The following ST7 variants were observed in gnomAD, a reference collection of about 807,000 sequenced individuals.
The protein encoded by ST7 is suppression of tumorigenicity 7, also known as suppressor of tumorigenicity 7 protein.
Under a neutral mutation model 78.7 loss-of-function variants are expected in ST7, and 28 were observed. The observed-to-expected ratio is 0.36, with a 90% CI of 0.26 to 0.49. The LOEUF (loss-of-function observed/expected upper bound fraction) is 0.49. Among genes scored for constraint, ST7 ranks in the 20% least tolerant of loss-of-function variants. The pLI, the probability that ST7 is intolerant of heterozygous loss-of-function variation, is 0.99. For missense variants in ST7, 418 were observed against 696.0 expected, an observed-to-expected ratio of 0.60 and a Z score of 4.49; for synonymous variants, 247 against 249.6, an observed-to-expected ratio of 0.99 and a Z score of 0.10.
chr7:117,201,257 A>G (rs976580297), intron 12 of ST7, among the ~76,000 whole-genome samples: 1 of 152,194 alleles, frequency 6.6e-6, no homozygotes, highest in Admixed American at 6.5e-5. Flanking sequence ...AGTAAGGAGA[A>G]TGTATTGTGG....
At chr7:117,182,672 C>T (rs1008300464) in intron 10 of ST7, 1 of 152,094 alleles carries the variant, frequency 6.6e-6, no homozygotes, top group Non-Finnish European at 1.5e-5. Flanking sequence ...ACACCAGGGC[C>T]GTTCTAGCTG....
At chr7:117,013,830 CAAAAATAAAT>C (rs1487261092) in intron 1 of ST7, among the ~76,000 whole-genome samples, 1 of 151,918 alleles carries the variant, frequency 6.6e-6, no homozygotes, top group Non-Finnish European at 1.5e-5. Flanking sequence ...GAGACTCCGC[CAAAAATAAAT>C]AAAAATAAGT....
chr7:117,110,873 G>A (rs1334431596), intron 2 of ST7, among the ~76,000 whole-genome samples: 2 of 152,212 alleles, frequency 1.3e-5, no homozygotes, highest in Admixed American at 6.5e-5. Context: ...TGCTGAACCG[G>A]ATGATCATTG....
At chr7:117,155,188 A>T (rs1806592637) in intron 9 of ST7, among the ~76,000 whole-genome samples, 1 of 152,182 alleles carries the variant, frequency 6.6e-6, no homozygotes, top group African/African-American at 2.4e-5. Flanking sequence ...GGAGCCAGCC[A>T]CATGAAGATC....
chr7:117,056,068 T>G (rs1215695033), intron 1 of ST7, among the ~76,000 whole-genome samples: 1 of 152,130 alleles, frequency 6.6e-6, no homozygotes, highest in Non-Finnish European at 1.5e-5. Flanking sequence ...CTGGTTTATA[T>G]TCACTGGCAG....
intron 1 of ST7, among the ~76,000 whole-genome samples, chr7:117,090,462 C>T (rs1179277541): frequency 6.6e-6 from 1 of 152,144 alleles, no homozygotes; most frequent in African/African-American, 2.4e-5. Context: ...GCTGGGTGCT[C>T]TGTGTTGGCT....
chr7:116,976,431 G>A (rs1009240439), intron 1 of ST7, among the ~76,000 whole-genome samples: 1 of 152,206 alleles, frequency 6.6e-6, no homozygotes, highest in Non-Finnish European at 1.5e-5. Context: ...CAGTCTGCAG[G>A]TTGGATTGAG....
At chr7:117,194,903 C>T (rs1394739631) in intron 12 of ST7, among the ~76,000 whole-genome samples, 1 of 152,140 alleles carries the variant, frequency 6.6e-6, no homozygotes, top group Non-Finnish European at 1.5e-5. Context: ...TATGCTGCAG[C>T]CACACTGCAA....
intron 12 of ST7, among the ~76,000 whole-genome samples, chr7:117,194,236 C>T (rs528748589): frequency 2.4e-4 from 36 of 152,156 alleles, no homozygotes; most frequent in Non-Finnish European, 3.8e-4. Context: ...GTAGCTGTGC[C>T]GCCAGCTCCC....
chr7:117,028,962 T>A (rs1796337401), intron 1 of ST7, among the ~76,000 whole-genome samples: 1 of 152,226 alleles, frequency 6.6e-6, no homozygotes, highest in South Asian at 2.1e-4. Flanking sequence ...CATGACCTTT[T>A]ACCACTAAAA....
intron 1 of ST7, among the ~76,000 whole-genome samples, chr7:117,062,437 T>C (rs1170698653): frequency 6.6e-6 from 1 of 152,214 alleles, no homozygotes; most frequent in East Asian, 1.9e-4. Context: ...GTCAGTATTG[T>C]TTGATTAAAG....
chr7:117,104,379 G>A (rs565977834), intron 2 of ST7, among the ~76,000 whole-genome samples: 1 of 152,328 alleles, frequency 6.6e-6, no homozygotes, highest in African/African-American at 2.4e-5. Context: ...GGCGGAGGTT[G>A]CAGTGAGCTG....
At chr7:116,982,006 C>T (rs1793980663) in intron 1 of ST7, among the ~76,000 whole-genome samples, 1 of 151,556 alleles carries the variant, frequency 6.6e-6, no homozygotes, top group Non-Finnish European at 1.5e-5. Flanking sequence ...CAGTAGGTTA[C>T]AAAGTGAGTA....
At chr7:117,022,679 G>A (rs1200771996) in intron 1 of ST7, among the ~76,000 whole-genome samples, 1 of 152,282 alleles carries the variant, frequency 6.6e-6, no homozygotes, top group East Asian at 1.9e-4. Context: ...AGAAATACTT[G>A]TTTAACTATC....
intron 2 of ST7, among the ~76,000 whole-genome samples, chr7:117,113,931 G>A (rs1312626863): frequency 6.6e-6 from 1 of 152,202 alleles, no homozygotes; most frequent in Non-Finnish European, 1.5e-5. Context: ...TTAGGCCATA[G>A]TAGTTAATGC....
intron 2 of ST7, among the ~76,000 whole-genome samples, chr7:117,103,621 TCTAAGA>T (rs71148361): frequency 0.16 from 24,309 of 151,948 alleles, 2,458 homozygotes; most frequent in South Asian, 0.24. Context: ...AATACTTAAA[TCTAAGA>T]CCTGAAACCA....
Position 117,130,574 on chromosome 7 carries a change from GTGA to G in ST7, c.534_536del (p.Asp179del). On this transcript the variant is annotated inframe_deletion, in exon 5 of 16. Transcript: ENST00000323984. The stretch of plus-strand genomic sequence containing the variant: ...CAAGACCACCAGACATTCTTTACTT[GTGA>G]CTCGGACCATCTGCGTCCCGCAGAT... The G allele has an allele frequency of 6.2e-7, 1 of 1,611,180 alleles. No homozygotes were observed. The highest frequency in any genetic ancestry group is 1.7e-5 in the Admixed American group (1 of 59,752).
intron 6 of ST7, among the ~76,000 whole-genome samples, chr7:117,133,102 T>C (rs919973877): frequency 6.6e-6 from 1 of 152,022 alleles, no homozygotes; most frequent in Non-Finnish European, 1.5e-5. Context: ...AGCTGGCTTC[T>C]AGTCGTCACT....
rs746994087 is a variant in ST7, at chr7:117,222,080, G to A, written c.1638+18G>A. 6.3e-7 allele frequency: 1 copy of A among 1,595,154 alleles called. No homozygotes were observed. Among genetic ancestry groups the A allele is most frequent in the Non-Finnish European group, 8.5e-7 (1 of 1,173,604 alleles). ...CAAAAGCTGTGAGTGTTTGCCTAGA[G>A]GGAGGCCTTGGGGAATGGATGGGGA... On this transcript the variant is annotated intron_variant, in intron 15 of 15. Transcript: ENST00000323984.
Sources: allele counts gnomAD v4.1 joint callset (sites outside exome capture counted in the v4.1 genomes callset), GRCh38; gene constraint gnomAD v4.1.1; transcripts MANE v1.5; gene names NCBI Gene and HGNC (gene_info 2026-07-23, HGNC 2026-07-21).